The following FMN1 variants were observed in gnomAD, a reference collection of about 807,000 sequenced individuals.
FMN1 encodes the protein formin-1.
Under a neutral mutation model 132.4 loss-of-function variants are expected in FMN1, and 110 were observed. The observed-to-expected ratio is 0.83, with a 90% CI of 0.71 to 0.97. FMN1 has a LOEUF of 0.97. FMN1 is among the 50% of genes least tolerant of loss of function. FMN1 has a pLI of 0.00. For missense variants in FMN1, 1,792 were observed against 1,705.3 expected, an observed-to-expected ratio of 1.05 and a Z score of -0.90; for synonymous variants, 722 against 651.7, an observed-to-expected ratio of 1.11 and a Z score of -1.64.
chr15:32,795,368 T>C (rs756609557), intron 19 of FMN1, among the ~76,000 whole-genome samples: 24 of 152,122 alleles, frequency 1.6e-4, no homozygotes, highest in Non-Finnish European at 4.4e-5. Context: ...ATAGTACCTA[T>C]AGCTCAAGAG....
intron 4 of FMN1, among the ~76,000 whole-genome samples, chr15:33,125,704 C>CA (rs58963131): frequency 0.11 from 15,342 of 144,240 alleles, 1,592 homozygotes; most frequent in East Asian, 0.58. Context: ...TCAGGTGTCT[C>CA]AAAAAAAAAA....
intron 15 of FMN1, among the ~76,000 whole-genome samples, chr15:32,895,216 G>C (rs559080912): frequency 6.6e-6 from 1 of 152,222 alleles, no homozygotes; most frequent in East Asian, 1.9e-4. Context: ...AGATTCATGA[G>C]TGTGATGGAT....
At chr15:32,821,259 T>C (rs1318886576) in intron 17 of FMN1, among the ~76,000 whole-genome samples, 1 of 151,950 alleles carries the variant, frequency 6.6e-6, no homozygotes, top group African/African-American at 2.4e-5. Context: ...TTCGTGTTTA[T>C]TTTGATTATG....
At chr15:33,070,510 G>A (rs1034223454) in intron 5 of FMN1, among the ~76,000 whole-genome samples, 1 of 151,828 alleles carries the variant, frequency 6.6e-6, no homozygotes, top group African/African-American at 2.4e-5. Context: ...GATGCTGGAA[G>A]GGGCTACTGG....
At chr15:32,804,595 T>C (rs1035597119) in intron 17 of FMN1, among the ~76,000 whole-genome samples, 2 of 152,016 alleles carry the variant, frequency 1.3e-5, no homozygotes, top group African/African-American at 4.8e-5. Flanking sequence ...ACATGTGCCA[T>C]GTTGGTTTGC....
intron 6 of FMN1, among the ~76,000 whole-genome samples, chr15:33,036,172 T>G (rs2036183543): frequency 6.6e-6 from 1 of 152,214 alleles, no homozygotes; most frequent in Non-Finnish European, 1.5e-5. Flanking sequence ...TAAAACATGC[T>G]AAGACACTAC....
chr15:33,113,692 C>A (rs998545672), intron 4 of FMN1, among the ~76,000 whole-genome samples: 2 of 152,126 alleles, frequency 1.3e-5, no homozygotes, highest in Non-Finnish European at 2.9e-5. Context: ...TCTCCCCCTT[C>A]TAGACAGGGG....
At chr15:32,981,968 T>C (rs1225035697) in intron 7 of FMN1, among the ~76,000 whole-genome samples, 1 of 151,980 alleles carries the variant, frequency 6.6e-6, no homozygotes, top group Non-Finnish European at 1.5e-5. Flanking sequence ...GGAAAAAATG[T>C]TGGAAAACAA....
chr15:32,890,762 T>C (rs2060008265), intron 15 of FMN1, among the ~76,000 whole-genome samples: 1 of 152,196 alleles, frequency 6.6e-6, no homozygotes, highest in Non-Finnish European at 1.5e-5. Flanking sequence ...CAACTACTTA[T>C]CTTTGTTTTT....
chr15:32,940,750 G>C (rs144085172), intron 9 of FMN1, among the ~76,000 whole-genome samples: 1 of 152,182 alleles, frequency 6.6e-6, no homozygotes, highest in Admixed American at 6.5e-5. Context: ...AGGCTCTGCA[G>C]AACATGAACC....
At chr15:32,943,411 C>G (rs145021961) in intron 9 of FMN1, among the ~76,000 whole-genome samples, 2 of 152,190 alleles carry the variant, frequency 1.3e-5, no homozygotes, top group African/African-American at 4.8e-5. Context: ...CTGAATTCCA[C>G]CACCTGGCCA....
At chr15:33,058,584 G>A (rs185513583) in intron 6 of FMN1, among the ~76,000 whole-genome samples, 79 of 152,184 alleles carry the variant, frequency 5.2e-4, no homozygotes, top group African/African-American at 1.8e-3. Context: ...GCTTCATAGC[G>A]TAAAAAATAC....
At chr15:32,922,916 A>T (rs1047907030) in intron 10 of FMN1, among the ~76,000 whole-genome samples, 1 of 152,232 alleles carries the variant, frequency 6.6e-6, no homozygotes, top group African/African-American at 2.4e-5. Context: ...GATGGAAATG[A>T]CATTTTAATG....
Position 32,785,218 on chromosome 15 carries a change from A to ATATATATATATTTTTTTTTTTTT in FMN1, c.4131-8300_4131-8299insAAAAAAAAAAAAATATATATATA, listed in dbSNP as rs1444523400. 1.0e-4 allele frequency among the ~76,000 whole-genome samples: 4 copies of ATATATATATATTTTTTTTTTTTT among 39,204 alleles called. 1 individual carries two copies. Among genetic ancestry groups the ATATATATATATTTTTTTTTTTTT allele is most frequent in the Non-Finnish European group, 9.0e-5 (2 of 22,118 alleles). 25.7% of individuals were successfully genotyped at this position (39,204 alleles called of 152,430 possible). On this transcript the variant is annotated intron_variant, in intron 19 of 20. Coordinates refer to ENST00000616417, the MANE Select transcript of FMN1 (RefSeq NM_001277313.2). ...TGTGTGTGTATATATATATATATATATTTTTTTTTTTTTTTTTTTGTAGAG... is the reference window on the plus strand; with the variant it reads ...TGTGTGTGTATATATATATATATATATATATATATATTTTTTTTTTTTTTTTTTTTTTTTTTTTTTTTGTAGAG...
intron 2 of FMN1, among the ~76,000 whole-genome samples, chr15:33,182,186 A>G (rs1266695060): frequency 6.6e-6 from 1 of 152,192 alleles, no homozygotes; most frequent in East Asian, 1.9e-4. Flanking sequence ...GCTTTTTGTA[A>G]CAGCAGCAGG....
chr15:32,796,648 C>T (rs900190386), intron 19 of FMN1, among the ~76,000 whole-genome samples: 6 of 152,114 alleles, frequency 3.9e-5, no homozygotes, highest in African/African-American at 1.4e-4. Context: ...GCTTATTTTA[C>T]CATAATGAAT....
At chr15:32,832,088 G>C (rs916960860) in intron 17 of FMN1, among the ~76,000 whole-genome samples, 5 of 152,216 alleles carry the variant, frequency 3.3e-5, no homozygotes, top group Admixed American at 3.3e-4. Flanking sequence ...CTCAGGCTTT[G>C]AATGTTTTAA....
intron 5 of FMN1, chr15:33,068,253 G>A (rs1036497196): frequency 1.6e-5 from 3 of 190,800 alleles, no homozygotes; most frequent in African/African-American, 2.4e-5. Context: ...TCCCAACCCA[G>A]GACTTCACGA....
At chr15:33,044,161 A>G (rs1306023052) in intron 6 of FMN1, among the ~76,000 whole-genome samples, 1 of 152,216 alleles carries the variant, frequency 6.6e-6, no homozygotes, top group African/African-American at 2.4e-5. Context: ...TTGGGCACCA[A>G]TGAGCATGGG....
Sources: allele counts gnomAD v4.1 joint callset (sites outside exome capture counted in the v4.1 genomes callset), GRCh38; gene constraint gnomAD v4.1.1; transcripts MANE v1.5; gene names NCBI Gene and HGNC (gene_info 2026-07-23, HGNC 2026-07-21).